The following ATP4B variants were observed in gnomAD, a reference collection of about 807,000 sequenced individuals.
ATP4B encodes the protein ATPase H+/K+ transporting subunit beta.
A neutral mutation model predicts 35.3 loss-of-function variants in ATP4B; 27 were observed. The observed-to-expected ratio is 0.76, with a 90% CI of 0.56 to 1.05. The LOEUF is 1.05. Ranked by LOEUF, ATP4B falls within the 50% of genes least tolerant of loss-of-function variation. The probability of loss-of-function intolerance (pLI) is 0.00; values close to 1 mark genes in which losing one functional copy is unlikely to be tolerated. For missense variants in ATP4B, 375 were observed against 384.8 expected, an observed-to-expected ratio of 0.97 and a Z score of 0.21; for synonymous variants, 162 against 156.0, an observed-to-expected ratio of 1.04 and a Z score of -0.29.
At position 113,652,957 on chromosome 13, in the gene ATP4B, A is replaced by C. The variant is rs763396299; in HGVS notation, c.471T>G (p.Asp157Glu). Residue 157 changes from aspartate to glutamate, a missense_variant, in exon 4 of 7, where the codon GAT becomes GAG. Asp to Glu is a conservative substitution (Grantham distance 45). Coordinates refer to ENST00000335288, the MANE Select transcript of ATP4B (RefSeq NM_000705.4). ...HTKFSCKFTA[D>E]MLQNCSGLAD... is the part of the protein sequence containing the mutation. ...CCAGGCCTGAGCAGTTCTGCAGCATATCTGCCGTGAACTTGCAGGAGAACT... is the reference window on the plus strand; with the variant it reads ...CCAGGCCTGAGCAGTTCTGCAGCATCTCTGCCGTGAACTTGCAGGAGAACT... 6.2e-7 allele frequency: 1 copy of C among 1,614,196 alleles called. No individual in the cohort carries two copies. Among genetic ancestry groups the C allele is most frequent in the East Asian group, 2.2e-5 (1 of 44,878 alleles).
chr13:113,654,166 G>A lies in ATP4B; in HGVS notation c.241+648C>T, dbSNP rs571018148. On this transcript the variant is annotated intron_variant, in intron 2 of 6. Coordinates refer to ENST00000335288, the MANE Select transcript of ATP4B (RefSeq NM_000705.4). ...TAGTTGGTCCCCTATGGATGCAGCT[G>A]GCTTTACATTTGAGGCTAGGTGTTG... Among the ~76,000 whole-genome samples the A allele has an allele frequency of 5.9e-5, 9 of 152,336 alleles. No homozygotes were observed. The East Asian group carries it at 1.5e-3, about 26-fold the overall frequency.
chr13:113,655,846 TC>T (rs1247527416), intron 1 of ATP4B, among the ~76,000 whole-genome samples: 3 of 152,120 alleles, frequency 2.0e-5, no homozygotes, highest in Non-Finnish European at 4.4e-5. Flanking sequence ...CAGGACCAAG[TC>T]AGAGAAGCAA....
intron 1 of ATP4B, 129 bp from the exon 2 acceptor site, chr13:113,655,071 C>G: frequency 7.7e-7 from 1 of 1,297,812 alleles, no homozygotes; most frequent in African/African-American, 1.5e-5. Context: ...TTCTCCTCCC[C>G]CAAAACAGAA....
In ATP4B at chr13:113,649,832, C is replaced by T. The variant is rs181357561; in HGVS notation, c.715-297G>A. On this transcript the variant is annotated intron_variant, in intron 6 of 6. Transcript: ENST00000335288. This position sits in a 1 kb window ranked among gnomAD's most constrained non-coding sequence, Gnocchi z 4.7. The stretch of plus-strand genomic sequence containing the variant: ...AGCACGTGATGTGGAGGAAAGTCTT[C>T]GAAGTGGATATGCAGTTGTTTTAGA... Among the ~76,000 whole-genome samples, 7 of 152,208 alleles carry T rather than the reference C, an allele frequency of 4.6e-5. No homozygotes were observed. Among genetic ancestry groups the T allele is most frequent in the South Asian group, 2.1e-4 (1 of 4,814 alleles).
At position 113,652,973 on chromosome 13, in the gene ATP4B, C is replaced by T; in HGVS notation, c.455G>A (p.Cys152Tyr). 1.2e-6 allele frequency: 2 copies of T among 1,614,216 alleles called. No homozygotes were observed. The highest frequency in any genetic ancestry group is 1.3e-5 in the African/African-American group (1 of 75,056). ...FRAPNHTKFS[C>Y]KFTADMLQNC... The stretch of plus-strand genomic sequence containing the variant: ...CTGCAGCATATCTGCCGTGAACTTG[C>T]AGGAGAACTTGGTGTGGTTGGGAGC... Residue 152 changes from cysteine to tyrosine, a missense_variant, in exon 4 of 7, where the codon TGC (cysteine) becomes TAC (tyrosine). Coordinates refer to ENST00000335288, the MANE Select transcript of ATP4B (RefSeq NM_000705.4).
rs1330843521 is a variant in ATP4B at position 113,650,056 on chromosome 13, A to G, written c.714+350T>C. Among the ~76,000 whole-genome samples, 7 of 152,064 alleles carry G rather than the reference A, an allele frequency of 4.6e-5. No homozygotes were observed. The East Asian group carries it at 7.8e-4, about 17-fold the overall frequency. ...TGTGTGCCTGTGGTCTCAGCTACTT[A>G]GGAGGCTGAGGTGGGAGGATCACTT... On this transcript the variant is annotated intron_variant, in intron 6 of 6. Coordinates refer to ENST00000335288, the MANE Select transcript of ATP4B (RefSeq NM_000705.4). This position sits in a 1 kb window ranked among gnomAD's most constrained non-coding sequence, Gnocchi z 5.0.
chr13:113,651,427 GAC>G (rs2049711219), intron 5 of ATP4B, among the ~76,000 whole-genome samples: 1 of 152,238 alleles, frequency 6.6e-6, no homozygotes, highest in African/African-American at 2.4e-5. Flanking sequence ...GCGTGCTGCT[GAC>G]ACGCTACTCA....
chr13:113,657,019 C>T (rs1193673777), intron 1 of ATP4B, among the ~76,000 whole-genome samples: 4 of 152,192 alleles, frequency 2.6e-5, no homozygotes, highest in African/African-American at 7.2e-5. Context: ...ACTTCAAATG[C>T]GCCCATGACT....
rs1220498492 is a variant in ATP4B at position 113,652,878 on chromosome 13, T to C, written c.550A>G (p.Asn184Asp). The C allele has an allele frequency of 1.2e-6, 2 of 1,614,154 alleles. No homozygotes were observed. The highest frequency in any genetic ancestry group is 2.2e-5 in the South Asian group (2 of 91,078). ...AGGAGACCCTCAGTACTCACCCTGT[T>C]CATTTTAATAATAAAACATGGCTTT... ...EGKPCFIIKM[N>D]RIVKFLPSNG... Residue 184 changes from asparagine (N) to aspartate (D), a missense_variant, in exon 4 of 7, where the codon AAC (asparagine) becomes GAC (aspartate). By Grantham distance (23) the Asn-to-Asp change is conservative. Coordinates refer to ENST00000335288, the MANE Select transcript of ATP4B (RefSeq NM_000705.4).
rs757749709 is a variant in ATP4B at position 113,651,689 on chromosome 13, T to C, written c.594A>G (p.Arg198=). 1 of 1,613,520 alleles carries C rather than the reference T, an allele frequency of 6.2e-7. No homozygotes were observed. Among genetic ancestry groups the C allele is most frequent in the Admixed American group, 1.7e-5 (1 of 59,958 alleles). Residue 198 remains arginine, a synonymous_variant, in exon 5 of 7, where the codon AGA becomes AGG. Transcript: ENST00000335288. Reference sequence around the variant, plus strand: ...TACTCACCAGGAAGGCGCAGTCCACTCTGGGGGCCGAGCCGTTGCTGGGGA... The same window carrying C: ...TACTCACCAGGAAGGCGCAGTCCACCCTGGGGGCCGAGCCGTTGCTGGGGA... ...KFLPSNGSAP[R]VDCAFLDQPR... is the part of the protein sequence containing the mutation.
At chr13:113,652,546 C>G (rs963012842) in intron 4 of ATP4B, 1 of 415,470 alleles carries the variant, frequency 2.4e-6, no homozygotes, top group African/African-American at 2.0e-5. Context: ...AATCCTGACT[C>G]CAGAACTTGA....
intron 3 of ATP4B, 32 bp from the exon 4 acceptor site, chr13:113,653,104 T>C: frequency 6.3e-7 from 1 of 1,590,934 alleles, no homozygotes; most frequent in Non-Finnish European, 8.6e-7. Flanking sequence ...AGCCCTGTCC[T>C]GCCCTGGCCC....
intron 5 of ATP4B, 81 bp downstream of exon 5, chr13:113,651,590 G>A (rs906495254): frequency 2.1e-6 from 3 of 1,407,870 alleles, no homozygotes; most frequent in Non-Finnish European, 1.9e-6. Flanking sequence ...GAACCAGGTG[G>A]GCCGTGCCCA....
At chr13:113,651,537 T>C (rs935838610) in intron 5 of ATP4B, 134 bp downstream of exon 5, 31 of 1,029,656 alleles carry the variant, frequency 3.0e-5, no homozygotes, top group Non-Finnish European at 3.8e-5. Flanking sequence ...TGGTTCGGTG[T>C]TTACGTCTGG....
intron 2 of ATP4B, among the ~76,000 whole-genome samples, chr13:113,653,838 T>TA (rs1282760822): frequency 4.4e-4 from 67 of 152,376 alleles, no homozygotes; most frequent in Admixed American, 4.3e-3. Flanking sequence ...ATGTTAACTG[T>TA]AAAACTGAAC....
intron 1 of ATP4B, among the ~76,000 whole-genome samples, chr13:113,657,445 C>G (rs1459293760): frequency 6.6e-6 from 1 of 152,232 alleles, no homozygotes; most frequent in Non-Finnish European, 1.5e-5. Context: ...CCTTGGAGGC[C>G]CAGGCATCTG....
In ATP4B at chr13:113,650,559, T is replaced by C; in HGVS notation, c.613-52A>G. The C allele has an allele frequency of 6.8e-7, 1 of 1,479,146 alleles. No individual in the cohort carries two copies. Among genetic ancestry groups the C allele is most frequent in the Non-Finnish European group, 9.3e-7 (1 of 1,079,732 alleles). The allele number at this position is 1,479,146 out of a possible 1,614,324, so 91.6% of individuals were successfully genotyped here. ...TCAGGCGGGAGCTGGTGTGTGCCGGTGTCTGTGTGTTGCGTTTGTGTGCGT... is the reference window on the plus strand; with the variant it reads ...TCAGGCGGGAGCTGGTGTGTGCCGGCGTCTGTGTGTTGCGTTTGTGTGCGT... On this transcript the variant is annotated intron_variant, in intron 5 of 6. Transcript: ENST00000335288. This position sits in a 1 kb window ranked among gnomAD's most constrained non-coding sequence, Gnocchi z 5.0.
chr13:113,650,346 C>T lies in ATP4B; in HGVS notation c.714+60G>A, dbSNP rs758493369. 5.7e-5 allele frequency: 85 copies of T among 1,501,472 alleles called. No homozygotes were observed. The highest frequency in any genetic ancestry group is 1.4e-4 in the African/African-American group (10 of 72,480). 93.0% of individuals were successfully genotyped at this position (1,501,472 alleles called of 1,614,324 possible). A position where few individuals can be genotyped will look rare whatever the true frequency, so the allele number is the denominator to read the frequency against. ...ATGAAGGGGCTTATTGCTTTCCTTT[C>T]GCTAAGTGTGAGAGGACTCAGCAGC... On this transcript the variant is annotated intron_variant, in intron 6 of 6. Coordinates refer to ENST00000335288, the MANE Select transcript of ATP4B (RefSeq NM_000705.4). This position sits in a 1 kb window ranked among gnomAD's most constrained non-coding sequence, Gnocchi z 5.0.
rs780629318 is a variant in ATP4B at position 113,654,876 on chromosome 13, T to C, written c.179A>G (p.Tyr60Cys). 11 of 1,614,064 alleles carry C rather than the reference T, an allele frequency of 6.8e-6. No homozygotes were observed. The Admixed American group carries it at 1.5e-4, about 22-fold the overall frequency. The change falls in exon 2 of 7, where the codon TAT (tyrosine) becomes TGT (cysteine). Residue 60 changes from tyrosine to cysteine, a missense_variant. Physicochemically the swap from Tyr to Cys is radical, Grantham distance 194. Transcript: ENST00000335288. ...VMTGLFALCL[Y>C]VLMQTVDPYT... The stretch of plus-strand genomic sequence containing the variant: ...CGGGTCCACTGTCTGCATCAGCACA[T>C]AGAGGCACAGGGCGAAGAGCCCAGT...
Sources: allele counts gnomAD v4.1 joint callset (sites outside exome capture counted in the v4.1 genomes callset), GRCh38; gene constraint gnomAD v4.1.1; non-coding constraint Gnocchi (gnomAD v3.1); transcripts MANE v1.5; gene names NCBI Gene and HGNC (gene_info 2026-07-23, HGNC 2026-07-21).